The following NOTCH1 variants were observed in gnomAD, a reference collection of about 807,000 sequenced individuals.
NOTCH1 encodes the protein notch receptor 1.
A neutral mutation model predicts 254.8 loss-of-function variants in NOTCH1; 37 were observed. That is an observed-to-expected ratio of 0.15 (90% confidence interval 0.11 to 0.19). The LOEUF (loss-of-function observed/expected upper bound fraction) is 0.19. Ranked by LOEUF, NOTCH1 falls within the 10% of genes least tolerant of loss-of-function variation. The probability of loss-of-function intolerance (pLI) is 1.00; values close to 1 mark genes in which losing one functional copy is unlikely to be tolerated. For missense variants in NOTCH1, 2,972 were observed against 3,708.6 expected (o/e 0.80, Z 5.16); for synonymous variants, 1,731 against 1,618.1 (o/e 1.07, Z -1.68).
chr9:136,496,427 G>A lies in NOTCH1; in HGVS notation c.7312C>T (p.Pro2438Ser), dbSNP rs1163865960. The A allele has an allele frequency of 1.9e-6, 3 of 1,599,720 alleles. No individual in the cohort carries two copies. The highest frequency in any genetic ancestry group is 2.2e-5 in the East Asian group (1 of 44,866). The part of the protein sequence containing the change: ...HLGRSFLSGE[P>S]SQADVQPLGP... ...AGTGGCTGCACGTCTGCCTGGCTCG[G>A]CTCTCCACTCAGGAAGCTCCGGCCC... Residue 2438 changes from proline to serine, a missense_variant, in exon 34 of 34, where the codon CCG becomes TCG. Around this residue, in one of 8 missense-constraint regions of NOTCH1, gnomAD observed 529 missense variants for 529.2 expected, o/e 1.00. Transcript: ENST00000651671.
At chr9:136,525,954 G>A (rs1843452878) in intron 2 of NOTCH1, among the ~76,000 whole-genome samples, 1 of 152,254 alleles carries the variant, frequency 6.6e-6, no homozygotes, top group Admixed American at 6.5e-5. Context: ...CAAACCAACT[G>A]GCTTAAAGAA....
In NOTCH1 at chr9:136,515,667, G is replaced by A. The variant is rs1002136018; in HGVS notation, c.1719C>T (p.Asp573=). The change falls in exon 11 of 34, where the codon GAC becomes GAT. Residue 573 remains aspartate, a synonymous_variant. Transcript: ENST00000651671. Reference sequence around the variant, plus strand: ...CCTTGCAGGAGCCGTAGTGGCAGGGGTCGGGGTCGCACTCATCGATGTCCA... The same window carrying A: ...CCTTGCAGGAGCCGTAGTGGCAGGGATCGGGGTCGCACTCATCGATGTCCA... ...CEVDIDECDP[D]PCHYGSCKDG... 8.3e-6 allele frequency: 13 copies of A among 1,572,132 alleles called. No individual in the cohort carries two copies. The highest frequency in any genetic ancestry group is 1.1e-5 in the Non-Finnish European group (13 of 1,163,678).
chr9:136,529,168 G>T (rs1843520037), intron 2 of NOTCH1, among the ~76,000 whole-genome samples: 1 of 152,256 alleles, frequency 6.6e-6, no homozygotes, highest in South Asian at 2.1e-4. Flanking sequence ...GGGCCACACA[G>T]ACAGGCCCAC....
At chr9:136,543,691 A>G (rs985181580) in intron 2 of NOTCH1, 4 of 465,218 alleles carry the variant, frequency 8.6e-6, no homozygotes, top group African/African-American at 7.9e-5. Context: ...CTCTCAGTAA[A>G]TGGTCCAGAG....
chr9:136,535,465 G>GT, intron 2 of NOTCH1, among the ~76,000 whole-genome samples: 2 of 136,646 alleles, frequency 1.5e-5, no homozygotes, highest in Admixed American at 7.0e-5. Context: ...CAGGGTAGGC[G>GT]GGGAGCACTC....
At chr9:136,510,976 A>T (rs1441644089) in intron 16 of NOTCH1, among the ~76,000 whole-genome samples, 171 bp from the exon 17 acceptor site, 1 of 152,144 alleles carries the variant, frequency 6.6e-6, no homozygotes, top group Non-Finnish European at 1.5e-5. Flanking sequence ...CAGGAACTGG[A>T]GTTGGGAACG....
At chr9:136,531,065 G>A (rs917115010) in intron 2 of NOTCH1, among the ~76,000 whole-genome samples, 9 of 152,238 alleles carry the variant, frequency 5.9e-5, no homozygotes, top group African/African-American at 1.9e-4. Context: ...CAGGGCAGTC[G>A]CCCGGAGGTG....
chr9:136,504,177 G>A (rs1345238681), intron 26 of NOTCH1, among the ~76,000 whole-genome samples: 1 of 152,236 alleles, frequency 6.6e-6, no homozygotes, highest in Non-Finnish European at 1.5e-5. Flanking sequence ...GGAGAGCTGA[G>A]TGTTTTGTTT....
At chr9:136,512,938 C>A (rs1843204364) in intron 15 of NOTCH1, 83 bp downstream of exon 15, 1 of 452,454 alleles carries the variant, frequency 2.2e-6, no homozygotes, top group South Asian at 2.2e-5. Context: ...CTCTCCAGCA[C>A]AGGCTCCGCC....
chr9:136,532,474 C>T (rs567690227), intron 2 of NOTCH1, among the ~76,000 whole-genome samples: 11 of 132,836 alleles, frequency 8.3e-5, no homozygotes, highest in African/African-American at 3.0e-4. Flanking sequence ...CTGTGGCTGG[C>T]CTCTGGGAGA....
At chr9:136,497,985 G>A (rs1842943732) in intron 33 of NOTCH1, among the ~76,000 whole-genome samples, 1 of 152,302 alleles carries the variant, frequency 6.6e-6, no homozygotes, top group Admixed American at 6.5e-5. Flanking sequence ...CACCCTGGTG[G>A]CCACCAAGCT....
rs1842929844 is a variant in NOTCH1, at chr9:136,497,153, T to C, written c.6586A>G (p.Met2196Val). The change falls in exon 34 of 34, where the codon ATG becomes GTG. Residue 2196 changes from methionine to valine, a missense_variant. Met to Val is a conservative substitution (Grantham distance 21). Around this residue, in one of 8 missense-constraint regions of NOTCH1, gnomAD observed 529 missense variants for 529.2 expected, o/e 1.00. Transcript: ENST00000651671. ...GKGCLLDSSG[M>V]LSPVDSLESP... ...TCCAGGGAGTCCACGGGCGAGAGCA[T>C]GCCGGAGCTGTCCAGCAGGCAGCCC... 6.2e-7 allele frequency: 1 copy of C among 1,612,760 alleles called. No homozygotes were observed. Among genetic ancestry groups the C allele is most frequent in the Non-Finnish European group, 8.5e-7 (1 of 1,179,948 alleles).
chr9:136,502,157 C>T (rs892297751), intron 28 of NOTCH1, 69 bp from the exon 29 acceptor site: 12 of 1,600,274 alleles, frequency 7.5e-6, no homozygotes, highest in East Asian at 4.5e-5. Context: ...ACCCCTGGCC[C>T]GGGCCTGGCG....
chr9:136,495,034 G>A lies in NOTCH1; in HGVS notation c.*1037C>T, dbSNP rs1379896620. 2.5e-6 allele frequency: 1 copy of A among 398,826 alleles called. No homozygotes were observed. The highest frequency in any genetic ancestry group is 4.4e-6 in the Non-Finnish European group (1 of 226,096). 24.7% of individuals were successfully genotyped at this position (398,826 alleles called of 1,614,324 possible). On this transcript the variant is annotated 3_prime_UTR_variant, in exon 34 of 34. Transcript: ENST00000651671. ...CTGGCAAGTCTCCTACAAAACACGG[G>A]AGCCCACGGGGGGTCGGGTCCCGCG...
intron 2 of NOTCH1, among the ~76,000 whole-genome samples, chr9:136,536,763 C>T (rs1461932453): frequency 1.3e-5 from 2 of 151,554 alleles, no homozygotes; most frequent in Non-Finnish European, 3.0e-5. Context: ...TGTGGCCAAG[C>T]CCGTCCATCC....
chr9:136,495,661 G>T lies in NOTCH1; in HGVS notation c.*410C>A, dbSNP rs187411222. ...CCCAGGAGCTTTTTGGACTATGCTC[G>T]TTCAACTTCCCTTCTCCAACATCAT... On this transcript the variant is annotated 3_prime_UTR_variant, in exon 34 of 34. Transcript: ENST00000651671. The T allele has an allele frequency of 6.4e-5, 26 of 408,274 alleles. No individual in the cohort carries two copies. The highest frequency in any genetic ancestry group is 1.0e-4 in the East Asian group (3 of 28,700). The allele number at this position is 408,274 out of a possible 1,614,324, so 25.3% of individuals were successfully genotyped here.
intron 2 of NOTCH1, among the ~76,000 whole-genome samples, chr9:136,535,468 GA>G (rs1843632213): frequency 7.2e-6 from 1 of 139,612 alleles, no homozygotes; most frequent in African/African-American, 2.9e-5. Context: ...GGTAGGCGGG[GA>G]GCACTCAGGA....
intron 18 of NOTCH1, 152 bp downstream of exon 18, chr9:136,509,581 C>A: frequency 1.4e-6 from 1 of 727,164 alleles, no homozygotes; most frequent in African/African-American, 1.7e-5. Context: ...AGGGACAGGT[C>A]GGTACAATGA....
At chr9:136,538,701 C>T (rs775878316) in intron 2 of NOTCH1, among the ~76,000 whole-genome samples, 4 of 152,228 alleles carry the variant, frequency 2.6e-5, no homozygotes, top group Non-Finnish European at 4.4e-5. Flanking sequence ...CAGATCCCCA[C>T]GCCCTCGCAG....
Sources: gnomAD v4.1 joint callset for allele counts (sites outside exome capture counted in the v4.1 genomes callset) on GRCh38, gnomAD v4.1.1 for gene constraint, gnomAD v4.1.1 regional missense constraint, MANE v1.5 for transcripts, NCBI Gene and HGNC (gene_info 2026-07-23, HGNC 2026-07-21) for gene names.